KIF1B: variants seen among roughly 807,000 people sequenced by gnomAD.
The protein encoded by KIF1B is kinesin family member 1B.
A neutral mutation model predicts 241.9 loss-of-function variants in KIF1B; 76 were observed. The ratio of observed to expected loss-of-function variants is 0.31; its 90% CI spans 0.26 to 0.38. The LOEUF is 0.38. Ranked by LOEUF, KIF1B falls within the 10% of genes least tolerant of loss-of-function variation. The probability of loss-of-function intolerance (pLI) is 1.00; values close to 1 mark genes in which losing one functional copy is unlikely to be tolerated. For missense variants in KIF1B, 1,622 were observed against 2,271.4 expected (o/e 0.71, Z 5.81); for synonymous variants, 750 against 796.7 (o/e 0.94, Z 0.99).
intron 27 of KIF1B, among the ~76,000 whole-genome samples, chr1:10,333,466 C>T (rs777662062): frequency 2.1e-4 from 32 of 151,714 alleles, no homozygotes; most frequent in East Asian, 2.0e-4. Context: ...CTGTTGCGGG[C>T]GGATCACGAG....
chr1:10,356,603 A>AAAAAAAAAAAG (rs1364191330), intron 38 of KIF1B, among the ~76,000 whole-genome samples: 46 of 151,826 alleles, frequency 3.0e-4, no homozygotes, highest in African/African-American at 1.1e-3. Context: ...ATGCTTTAAA[A>AAAAAAAAAAAG]AAAGAAAAAA....
Position 10,342,123 on chromosome 1 carries a change from A to G in KIF1B, c.3587A>G (p.His1196Arg), listed in dbSNP as rs766070713. The G allele has an allele frequency of 6.2e-7, 1 of 1,613,774 alleles. No individual in the cohort carries two copies. Among genetic ancestry groups the G allele is most frequent in the African/African-American group, 1.3e-5 (1 of 74,912 alleles). The change falls in exon 33 of 49, where the codon CAT becomes CGT. Residue 1196 changes from histidine to arginine, a missense_variant. Physicochemically the swap from His to Arg is conservative, Grantham distance 29. Coordinates refer to ENST00000676179, the MANE Select transcript of KIF1B (RefSeq NM_001365951.3). Reference sequence around the variant, plus strand: ...CCTATTGTATTTGAAGTCTTTGGGCATTATCAGCAGCACCCACTTCATCTG... The same window carrying G: ...CCTATTGTATTTGAAGTCTTTGGGCGTTATCAGCAGCACCCACTTCATCTG... ...TKPIVFEVFG[H>R]YQQHPLHLQG...
chr1:10,274,722 TG>T (rs1649008268), intron 10 of KIF1B, among the ~76,000 whole-genome samples: 1 of 149,302 alleles, frequency 6.7e-6, no homozygotes, highest in Non-Finnish European at 1.5e-5. Context: ...AAATTGAGGA[TG>T]GGGTATTTGA....
intron 2 of KIF1B, 132 bp downstream of exon 2, chr1:10,232,566 T>C (rs1346258497): frequency 7.1e-6 from 5 of 703,098 alleles, no homozygotes; most frequent in Non-Finnish European, 1.3e-5. Context: ...GAATGATCCA[T>C]TGAATGTATT....
chr1:10,333,515 C>A (rs1301705070), intron 27 of KIF1B, among the ~76,000 whole-genome samples: 2 of 151,852 alleles, frequency 1.3e-5, no homozygotes, highest in African/African-American at 4.8e-5. Flanking sequence ...CATGGTGAAA[C>A]CCTGTCTCTA....
At chr1:10,371,359 T>C in intron 45 of KIF1B, 97 bp downstream of exon 45, 1 of 1,420,376 alleles carries the variant, frequency 7.0e-7, no homozygotes, top group African/African-American at 1.4e-5. Context: ...AGGCAGCACC[T>C]TCTCCCTAGG....
intron 38 of KIF1B, among the ~76,000 whole-genome samples, chr1:10,360,207 C>T (rs1638379772): frequency 6.6e-6 from 1 of 152,126 alleles, no homozygotes. Flanking sequence ...AAGATTGAAG[C>T]TGACAAGTTA....
chr1:10,374,421 C>A lies in KIF1B; in HGVS notation c.5052C>A (p.Asn1684Lys). 1.9e-6 allele frequency: 3 copies of A among 1,614,206 alleles called. No homozygotes were observed. The South Asian group carries it at 3.3e-5, about 18-fold the overall frequency. Residue 1684 changes from asparagine to lysine, a missense_variant, in exon 46 of 49, where the codon AAC (asparagine) becomes AAA (lysine). Physicochemically the swap from Asn to Lys is moderately conservative, Grantham distance 94. Around this residue, in one of 7 missense-constraint regions of KIF1B, gnomAD observed 357 missense variants for 409.0 expected, o/e 0.87. Coordinates refer to ENST00000676179, the MANE Select transcript of KIF1B (RefSeq NM_001365951.3). This position sits in a 1 kb window ranked among gnomAD's most constrained non-coding sequence, Gnocchi z 4.3. ...ETPYLARAGK[N>K]EFLNLVPDIE... is the part of the protein sequence containing the mutation. ...CATATTTGGCCCGAGCAGGAAAAAA[C>A]GAATTTCTCAATCTTGTTCCAGATA...
Position 10,303,483 on chromosome 1 carries a change from G to C in KIF1B, c.2115+6237G>C. 1.9e-6 allele frequency: 3 copies of C among 1,614,218 alleles called. No homozygotes were observed. The highest frequency in any genetic ancestry group is 1.3e-5 in the African/African-American group (1 of 75,058). On this transcript the variant is annotated intron_variant, in intron 22 of 48. Transcript: ENST00000676179. This position sits in a 1 kb window ranked among gnomAD's most constrained non-coding sequence, Gnocchi z 5.2. ...AGATTGAAGCCCTGGCCATTGTCAA[G>C]ATGAAGGAGCTTTGTGCCATGTATG... is the stretch of plus-strand genomic sequence containing the variant.
chr1:10,367,678 G>T (rs1470067426), intron 43 of KIF1B, among the ~76,000 whole-genome samples: 3 of 151,666 alleles, frequency 2.0e-5, no homozygotes, highest in East Asian at 2.0e-4. Flanking sequence ...GGGATTACAG[G>T]TGTGCACCAC....
chr1:10,240,520 A>G (rs1283209084), intron 2 of KIF1B, among the ~76,000 whole-genome samples: 1 of 152,054 alleles, frequency 6.6e-6, no homozygotes, highest in Non-Finnish European at 1.5e-5. Context: ...AACCATTTTT[A>G]ATTCCATAGT....
intron 2 of KIF1B, among the ~76,000 whole-genome samples, chr1:10,241,386 G>A (rs1013159594): frequency 1.3e-5 from 2 of 152,160 alleles, no homozygotes; most frequent in African/African-American, 4.8e-5. Flanking sequence ...TTACACGCAT[G>A]AGCCACCATG....
At position 10,257,160 on chromosome 1, in the gene KIF1B, C is replaced by T. The variant is rs1405793088; in HGVS notation, c.183+837C>T. ...GGCTAGGCTGATCTTGAACTCCTGA[C>T]CTCCTGATCCACCTGCCTCGACCTC... On this transcript the variant is annotated intron_variant, in intron 3 of 48. Coordinates refer to ENST00000676179, the MANE Select transcript of KIF1B (RefSeq NM_001365951.3). Among the ~76,000 whole-genome samples the T allele has an allele frequency of 4.0e-5, 6 of 149,688 alleles. No homozygotes were observed. The East Asian group carries it at 1.2e-3, about 29-fold the overall frequency.
intron 27 of KIF1B, among the ~76,000 whole-genome samples, chr1:10,333,904 G>A (rs1481493931): frequency 1.3e-5 from 2 of 151,968 alleles, no homozygotes; most frequent in African/African-American, 4.8e-5. Flanking sequence ...TGTAATCCCA[G>A]CACTTTGGGA....
At chr1:10,284,523 T>C (rs1408226436) in intron 15 of KIF1B, among the ~76,000 whole-genome samples, 2 of 151,816 alleles carry the variant, frequency 1.3e-5, no homozygotes, top group African/African-American at 4.8e-5. Flanking sequence ...CCATCTCAAC[T>C]AAAAATAAGA....
intron 15 of KIF1B, among the ~76,000 whole-genome samples, chr1:10,289,846 T>G (rs1391727446): frequency 6.6e-6 from 1 of 152,190 alleles, no homozygotes. Context: ...ATCGCACCAC[T>G]GTACGCTAGC....
intron 41 of KIF1B, 59 bp downstream of exon 41, chr1:10,363,403 G>C: frequency 1.4e-6 from 2 of 1,435,500 alleles, no homozygotes; most frequent in Non-Finnish European, 2.0e-6. Flanking sequence ...CAAGTATCCT[G>C]TATTTAGGCT....
intron 22 of KIF1B, among the ~76,000 whole-genome samples, chr1:10,317,720 A>G (rs557125677): frequency 6.6e-6 from 1 of 151,066 alleles, no homozygotes; most frequent in Non-Finnish European, 1.5e-5. Flanking sequence ...AGTCCCAGCT[A>G]CTTGGGAGGC....
intron 22 of KIF1B, chr1:10,307,955 G>C (rs1441414523): frequency 9.5e-7 from 1 of 1,054,022 alleles, no homozygotes; most frequent in Admixed American, 5.5e-5. Flanking sequence ...GTAATGTGAT[G>C]AATGGGAATT....
Sources: gnomAD v4.1 joint callset for allele counts (sites outside exome capture counted in the v4.1 genomes callset) on GRCh38, gnomAD v4.1.1 for gene constraint, gnomAD v4.1.1 regional missense constraint, Gnocchi (gnomAD v3.1) non-coding constraint, MANE v1.5 for transcripts, NCBI Gene and HGNC (gene_info 2026-07-23, HGNC 2026-07-21) for gene names.